Variants in GSE1 observed in about 807,000 individuals in gnomAD.
The protein encoded by GSE1 is genetic suppressor element 1.
In GSE1, 32 loss-of-function variants were observed where a neutral mutation model predicts 112.6. That is an observed-to-expected ratio of 0.28 (90% CI 0.21 to 0.38). The LOEUF (loss-of-function observed/expected upper bound fraction) is 0.38, where lower values mean the gene tolerates loss of function less well. Ranked by LOEUF, GSE1 falls within the 10% of genes least tolerant of loss-of-function variation. The pLI is 1.00. For synonymous variants in GSE1, 1,115 were observed against 735.6 expected (o/e 1.52, Z -8.35); for missense variants, 2,348 against 1,699.2 (o/e 1.38, Z -6.71).
chr16:85,404,181 ACCGTTACACTCAGGGCCCCCCTG>A lies in GSE1; in HGVS notation c.2464+46539_2464+46561del, dbSNP rs1331451039. The stretch of plus-strand genomic sequence containing the variant: ...ACTCAGGGCCCCCCGGATAATCCTC[ACCGTTACACTCAGGGCCCCCCTG>A]GATAATCCTCACCGTTACACTCAGG... On this transcript the variant is annotated intron_variant, in intron 2 of 2. Coordinates refer to the GSE1 transcript ENST00000637419. 8.4e-4 allele frequency among the ~76,000 whole-genome samples: 67 copies of A among 79,422 alleles called. 1 individual carries two copies. The East Asian group carries it at 0.022, about 26-fold the overall frequency. The allele number at this position is 79,422 out of a possible 152,430, so 52.1% of individuals were successfully genotyped here. A position where few individuals can be genotyped will look rare whatever the true frequency, so the allele number is the denominator to read the frequency against.
At position 85,373,662 on chromosome 16, in the gene GSE1, C is replaced by T. The variant is rs2047349325; in HGVS notation, c.2464+16019C>T. 6.6e-6 allele frequency among the ~76,000 whole-genome samples: 1 copy of T among 152,148 alleles called. No homozygotes were observed. The highest frequency in any genetic ancestry group is 6.5e-5 in the Admixed American group (1 of 15,282). The stretch of plus-strand genomic sequence containing the variant: ...GCTGGCCACGGCCTGGAAGAGTCCG[C>T]TCAGAGCAGGTGCTCCAGGGAGATT... On this transcript the variant is annotated intron_variant, in intron 2 of 2. Transcript: ENST00000637419. This position sits in a 1 kb window ranked among gnomAD's most constrained non-coding sequence, Gnocchi z 5.1.
At chr16:85,549,339 G>C (rs1165213843) in intron 2 of GSE1, among the ~76,000 whole-genome samples, 1 of 151,954 alleles carries the variant, frequency 6.6e-6, no homozygotes, top group Non-Finnish European at 1.5e-5. Context: ...ACTAAACCTG[G>C]CTAGCATTTT....
intron 2 of GSE1, among the ~76,000 whole-genome samples, chr16:85,513,582 C>A (rs1023703241): frequency 2.0e-5 from 3 of 152,186 alleles, no homozygotes; most frequent in African/African-American, 7.2e-5. Flanking sequence ...GGGCCAGCCC[C>A]TTCTTTGTCT....
intron 1 of GSE1, among the ~76,000 whole-genome samples, chr16:85,317,224 G>A (rs898826378): frequency 6.6e-6 from 1 of 152,214 alleles, no homozygotes; most frequent in South Asian, 2.1e-4. Context: ...TCCTTTGGGT[G>A]TGGACGGGAC....
At chr16:85,193,429 A>T (rs1390979642) in intron 1 of GSE1, among the ~76,000 whole-genome samples, 2 of 151,280 alleles carry the variant, frequency 1.3e-5, no homozygotes, top group African/African-American at 4.9e-5. Flanking sequence ...GAAGCTTTGA[A>T]CTCCTGGGCT....
intron 1 of GSE1, among the ~76,000 whole-genome samples, chr16:85,230,565 G>C (rs1273486812): frequency 6.6e-6 from 1 of 152,186 alleles, no homozygotes; most frequent in Non-Finnish European, 1.5e-5. Context: ...TGCTGCGGGG[G>C]TTCATTCTCC....
chr16:85,639,161 C>T (rs1324714980), intron 2 of GSE1, among the ~76,000 whole-genome samples: 1 of 152,228 alleles, frequency 6.6e-6, no homozygotes, highest in African/African-American at 2.4e-5. Context: ...CTCTTTGTTC[C>T]TCCCACATTG....
chr16:85,644,740 C>T (rs1333629501), intron 2 of GSE1, among the ~76,000 whole-genome samples: 1 of 152,010 alleles, frequency 6.6e-6, no homozygotes, highest in Non-Finnish European at 1.5e-5. Flanking sequence ...GGTCGCACAA[C>T]TCTGGACGTG....
Position 85,656,446 on chromosome 16 carries a change from C to T in GSE1, c.1093C>T (p.Arg365Cys), listed in dbSNP as rs933686551. The T allele has an allele frequency of 1.0e-5, 16 of 1,555,702 alleles. No individual in the cohort carries two copies. Among genetic ancestry groups the T allele is most frequent in the Admixed American group, 1.9e-5 (1 of 52,904 alleles). ...REREKERERE[R>C]EKEREQEKER... is the part of the protein sequence containing the mutation. ...GCGGGAGAAGGAACGTGAGCGCGAA[C>T]GCGAGAAGGAGCGCGAGCAAGAGAA... The change falls in exon 7 of 16, where the codon CGC becomes TGC. Residue 365 changes from arginine to cysteine, a missense_variant. Arg to Cys is a radical substitution (Grantham distance 180, BLOSUM62 -3). Coordinates refer to ENST00000253458, the MANE Select transcript of GSE1 (RefSeq NM_014615.5).
chr16:85,474,836 C>T (rs964027150), intron 2 of GSE1, among the ~76,000 whole-genome samples: 5 of 152,148 alleles, frequency 3.3e-5, no homozygotes, highest in South Asian at 2.1e-4. Flanking sequence ...TGCCAGTTTC[C>T]GAAAAGAATG....
chr16:85,572,894 C>T (rs961786883), intron 1 of GSE1, among the ~76,000 whole-genome samples: 45 of 152,162 alleles, frequency 3.0e-4, no homozygotes, highest in Admixed American at 2.1e-3. Context: ...TGCAGAGGGC[C>T]GGCAGCCCTC....
intron 2 of GSE1, among the ~76,000 whole-genome samples, chr16:85,486,176 C>A (rs572937713): frequency 6.6e-6 from 1 of 152,214 alleles, no homozygotes; most frequent in African/African-American, 2.4e-5. Context: ...TACTCCCTTC[C>A]TCCCTGCCTG....
chr16:85,235,844 G>T (rs1904581674), intron 1 of GSE1, among the ~76,000 whole-genome samples: 1 of 151,976 alleles, frequency 6.6e-6, no homozygotes, highest in Admixed American at 6.6e-5. Context: ...ACGGGCGCCG[G>T]GGCAGCTGTT....
chr16:85,633,025 C>CGCCGCCGCCGCT (rs983335393), intron 1 of GSE1, among the ~76,000 whole-genome samples: 7 of 152,184 alleles, frequency 4.6e-5, no homozygotes, highest in Admixed American at 2.6e-4. Context: ...CCGCCGCCGC[C>CGCCGCCGCCGCT]GCCGCTGTCA....
At chr16:85,181,124 C>G (rs555439769) in intron 1 of GSE1, among the ~76,000 whole-genome samples, 85 of 152,228 alleles carry the variant, frequency 5.6e-4, no homozygotes, top group Admixed American at 9.8e-4. Flanking sequence ...CAGCTGCCCA[C>G]AGGGTCCGCT....
chr16:85,310,156 G>T (rs965421935), intron 1 of GSE1, among the ~76,000 whole-genome samples: 1 of 152,178 alleles, frequency 6.6e-6, no homozygotes, highest in Non-Finnish European at 1.5e-5. Flanking sequence ...CCTGCCAGCT[G>T]CCCCCACCAC....
intron 1 of GSE1, among the ~76,000 whole-genome samples, chr16:85,181,071 G>A (rs899593547): frequency 2.0e-5 from 3 of 152,218 alleles, no homozygotes; most frequent in African/African-American, 4.8e-5. Context: ...GCTTAGAGCC[G>A]GTGAATGCCG....
intron 2 of GSE1, among the ~76,000 whole-genome samples, chr16:85,424,910 T>G (rs2048933303): frequency 6.6e-6 from 1 of 152,270 alleles, no homozygotes; most frequent in African/African-American, 2.4e-5. Context: ...AACATCATAT[T>G]TGCAGAATAT....
intron 1 of GSE1, among the ~76,000 whole-genome samples, chr16:85,240,656 G>A (rs1304120564): frequency 6.6e-6 from 1 of 152,222 alleles, no homozygotes; most frequent in Non-Finnish European, 1.5e-5. Flanking sequence ...ATGAAGAGCT[G>A]GAGCCTGGGT....
Sources: gnomAD v4.1 joint callset for allele counts (sites outside exome capture counted in the v4.1 genomes callset) on GRCh38, gnomAD v4.1.1 for gene constraint, Gnocchi (gnomAD v3.1) non-coding constraint, MANE v1.5 for transcripts, NCBI Gene and HGNC (gene_info 2026-07-23, HGNC 2026-07-21) for gene names.